OPCML: variants seen among roughly 807,000 people sequenced by gnomAD.
OPCML encodes the protein opioid binding protein/cell adhesion molecule like.
Under a neutral mutation model 37.8 loss-of-function variants are expected in OPCML, and 13 were observed. The ratio of observed to expected loss-of-function variants is 0.34; its 90% confidence interval spans 0.22 to 0.55. The LOEUF is 0.55. OPCML is among the 20% of genes least tolerant of loss of function. The pLI is 0.91. For missense variants in OPCML, 341 were observed against 435.6 expected (o/e 0.78, Z 1.93); for synonymous variants, 176 against 168.8 (o/e 1.04, Z -0.33).
intron 2 of OPCML, among the ~76,000 whole-genome samples, chr11:132,697,252 A>G (rs1943632233): frequency 1.3e-5 from 2 of 152,132 alleles, no homozygotes; most frequent in African/African-American, 4.8e-5. Flanking sequence ...CATATCCATC[A>G]CCTCACATAA....
At chr11:133,415,794 G>A (rs1487335418) in intron 1 of OPCML, among the ~76,000 whole-genome samples, 1 of 152,188 alleles carries the variant, frequency 6.6e-6, no homozygotes, top group African/African-American at 2.4e-5. Flanking sequence ...TCAGAGAGAG[G>A]TCATGATGAG....
intron 3 of OPCML, among the ~76,000 whole-genome samples, chr11:132,606,526 A>G (rs1938306544): frequency 6.6e-6 from 1 of 152,132 alleles, no homozygotes; most frequent in Admixed American, 6.5e-5. Flanking sequence ...AGGGCTTTCC[A>G]GGAAGAGCTG....
intron 1 of OPCML, chr11:133,298,567 A>G (rs1303035162): frequency 2.0e-5 from 3 of 152,336 alleles, no homozygotes; most frequent in Admixed American, 6.5e-5. Context: ...CTCTGCCTTA[A>G]CATCAAAACG....
At chr11:133,043,508 C>G (rs548106533) in intron 1 of OPCML, among the ~76,000 whole-genome samples, 1 of 152,178 alleles carries the variant, frequency 6.6e-6, no homozygotes, top group African/African-American at 2.4e-5. Flanking sequence ...GTGGCAGCTG[C>G]GCACACCCAG....
chr11:132,773,839 G>A (rs1946723612), intron 2 of OPCML, among the ~76,000 whole-genome samples: 1 of 152,088 alleles, frequency 6.6e-6, no homozygotes, highest in Non-Finnish European at 1.5e-5. Flanking sequence ...CCCACAATGG[G>A]TTAAGTGATT....
chr11:132,944,197 G>A (rs1054729674), intron 1 of OPCML, among the ~76,000 whole-genome samples: 2 of 152,176 alleles, frequency 1.3e-5, no homozygotes, highest in African/African-American at 4.8e-5. Context: ...GCGGGGTGGG[G>A]GGAGCGGGGA....
chr11:132,569,974 A>G (rs140484822), intron 3 of OPCML, among the ~76,000 whole-genome samples: 6 of 152,192 alleles, frequency 3.9e-5, no homozygotes, highest in Non-Finnish European at 7.4e-5. Flanking sequence ...CGAAAAGCTA[A>G]TGAATCCAGG....
intron 2 of OPCML, among the ~76,000 whole-genome samples, chr11:132,940,160 C>A (rs968166637): frequency 1.3e-5 from 2 of 152,194 alleles, no homozygotes; most frequent in Non-Finnish European, 2.9e-5. Context: ...CCTGTCACAA[C>A]AAAACTGATA....
Position 132,529,177 on chromosome 11 carries a change from T to C in OPCML, c.389A>G (p.Gln130Arg). 2 of 1,610,182 alleles carry C rather than the reference T, an allele frequency of 1.2e-6. No individual in the cohort carries two copies. The highest frequency in any genetic ancestry group is 1.7e-6 in the Non-Finnish European group (2 of 1,177,928). The change falls in exon 4 of 8, where the codon CAG (glutamine) becomes CGG (arginine). Residue 130 changes from glutamine to arginine, a missense_variant. By Grantham distance (43) the Gln-to-Arg change is conservative. Coordinates refer to ENST00000524381, the MANE Select transcript of OPCML (RefSeq NM_001012393.5). The part of the protein sequence containing the change: ...RVHLIVQVPP[Q>R]IMNISSDITV... Reference sequence around the variant, plus strand: ...GATGTCTGAGGAGATATTCATGATCTGAGGAGGAACTGTAAGGAAACAGGA... The same window carrying C: ...GATGTCTGAGGAGATATTCATGATCCGAGGAGGAACTGTAAGGAAACAGGA...
In OPCML at chr11:133,264,257, T is replaced by C. The variant is rs371106126; in HGVS notation, c.61+268007A>G. Among the ~76,000 whole-genome samples the C allele has an allele frequency of 5.3e-5, 8 of 152,064 alleles. No homozygotes were observed. In the East Asian group the frequency reaches 5.8e-4, roughly 11 times the overall value. On this transcript the variant is annotated intron_variant, in intron 1 of 7. Transcript: ENST00000524381. ...GGGAAGCACTGATGCTGCGGAAAAA[T>C]GACTCCTTCCAAGTGACGGAGACAA...
At chr11:132,595,664 C>T (rs1342389056) in intron 3 of OPCML, among the ~76,000 whole-genome samples, 1 of 152,128 alleles carries the variant, frequency 6.6e-6, no homozygotes, top group Admixed American at 6.6e-5. Flanking sequence ...CCTGTGCATC[C>T]AGAACAAAAT....
At chr11:133,225,012 G>A (rs375829825) in intron 1 of OPCML, among the ~76,000 whole-genome samples, 1 of 152,314 alleles carries the variant, frequency 6.6e-6, no homozygotes, top group East Asian at 1.9e-4. Flanking sequence ...TTTGGAATCT[G>A]TCAATAGGCT....
At chr11:133,412,049 C>T (rs964454517) in intron 1 of OPCML, among the ~76,000 whole-genome samples, 1 of 152,174 alleles carries the variant, frequency 6.6e-6, no homozygotes, top group South Asian at 2.1e-4. Flanking sequence ...AGAGGAAACA[C>T]GTGGCACATT....
chr11:132,907,102 C>T (rs1299650365), intron 2 of OPCML, among the ~76,000 whole-genome samples: 1 of 152,154 alleles, frequency 6.6e-6, no homozygotes, highest in Non-Finnish European at 1.5e-5. Flanking sequence ...TCTAACATAT[C>T]GTAAGAATTG....
intron 3 of OPCML, among the ~76,000 whole-genome samples, chr11:132,606,350 G>A (rs1938295088): frequency 6.6e-6 from 1 of 152,080 alleles, no homozygotes; most frequent in Non-Finnish European, 1.5e-5. Context: ...GTCCCACGAT[G>A]GCAGCTGTCC....
At position 133,018,822 on chromosome 11, in the gene OPCML, A is replaced by G. The variant is rs533974502; in HGVS notation, c.62-75812T>C. ...GTCGTCCCCCCAGCAACATGCCTCA[A>G]AGGCGGCCGCAGCTGATGCGGCTTC... On this transcript the variant is annotated intron_variant, in intron 1 of 7. Transcript: ENST00000524381. Among the ~76,000 whole-genome samples, 4 of 152,358 alleles carry G rather than the reference A, an allele frequency of 2.6e-5. No homozygotes were observed. The East Asian group carries it at 7.7e-4, about 29-fold the overall frequency.
chr11:132,627,305 C>G (rs1299189679), intron 3 of OPCML, among the ~76,000 whole-genome samples: 1 of 152,110 alleles, frequency 6.6e-6, no homozygotes, highest in African/African-American at 2.4e-5. Context: ...GAAAAAAGAA[C>G]AGTTCAACCC....
intron 2 of OPCML, among the ~76,000 whole-genome samples, chr11:132,856,445 T>C (rs2136344494): frequency 6.6e-6 from 1 of 152,236 alleles, no homozygotes; most frequent in African/African-American, 2.4e-5. Flanking sequence ...ATGTCAGGTG[T>C]CTATCAGGTG....
rs1390480450 is a variant in OPCML at position 133,264,770 on chromosome 11, A to T, written c.61+267494T>A. ...AAAATACACACAGCGGTTTTTAATA[A>T]AAAAAAAAAGTACGTGGTTATACAT... On this transcript the variant is annotated intron_variant, in intron 1 of 7. Coordinates refer to ENST00000524381, the MANE Select transcript of OPCML (RefSeq NM_001012393.5). Among the ~76,000 whole-genome samples, 26 of 28,886 alleles carry T rather than the reference A, an allele frequency of 9.0e-4. 1 individual carries two copies. The highest frequency in any genetic ancestry group is 5.6e-3 in the Admixed American group (9 of 1,612). 19.0% of individuals were successfully genotyped at this position (28,886 alleles called of 152,430 possible).
Sources: gnomAD v4.1 joint callset for allele counts (sites outside exome capture counted in the v4.1 genomes callset) on GRCh38, gnomAD v4.1.1 for gene constraint, MANE v1.5 for transcripts, NCBI Gene and HGNC (gene_info 2026-07-23, HGNC 2026-07-21) for gene names.